VDAC1: variants seen among roughly 807,000 people sequenced by gnomAD.
The protein encoded by VDAC1 is voltage dependent anion channel 1.
A neutral mutation model predicts 34.7 loss-of-function variants in VDAC1; 10 were observed. The observed-to-expected ratio is 0.29, with a 90% CI of 0.18 to 0.49. VDAC1 has a LOEUF of 0.49. Ranked by LOEUF, VDAC1 falls within the 20% of genes least tolerant of loss-of-function variation. The pLI, the probability that VDAC1 is intolerant of heterozygous loss-of-function variation, is 0.99. For missense variants in VDAC1, 230 were observed against 347.9 expected, an observed-to-expected ratio of 0.66 and a Z score of 2.69; for synonymous variants, 130 against 136.0, an observed-to-expected ratio of 0.96 and a Z score of 0.30.
At chr5:133,999,359 G>C (rs1324803943) in intron 1 of VDAC1, among the ~76,000 whole-genome samples, 3 of 152,154 alleles carry the variant, frequency 2.0e-5, no homozygotes, top group Non-Finnish European at 4.4e-5. Context: ...CAGAACAGCA[G>C]AAGTATCTGG....
chr5:133,997,560 A>T (rs560433660), intron 1 of VDAC1, among the ~76,000 whole-genome samples: 2 of 151,664 alleles, frequency 1.3e-5, no homozygotes, highest in African/African-American at 2.4e-5. Flanking sequence ...AATAAAAAAA[A>T]AAAATCACCC....
At chr5:134,010,665 A>C in the VDAC1 span, among the ~76,000 whole-genome samples, 2 of 152,284 alleles carry the variant, frequency 1.3e-5, no homozygotes, top group African/African-American at 4.8e-5. Flanking sequence ...AATGGAAGGC[A>C]ATCTATGTTC....
the VDAC1 span, among the ~76,000 whole-genome samples, chr5:134,077,420 C>T: frequency 0.032 from 4,821 of 152,222 alleles, 80 homozygotes; most frequent in African/African-American, 0.044. Context: ...CAAACTCTTA[C>T]TGAGCACCTA....
chr5:134,089,310 G>T, the VDAC1 span, among the ~76,000 whole-genome samples: 1 of 152,370 alleles, frequency 6.6e-6, no homozygotes, highest in Non-Finnish European at 1.5e-5. Flanking sequence ...TCCGAAACCA[G>T]CTGGGCACTG....
the VDAC1 span, among the ~76,000 whole-genome samples, chr5:134,053,205 T>G: frequency 7.2e-5 from 11 of 152,134 alleles, no homozygotes; most frequent in Admixed American, 1.3e-4. Flanking sequence ...TCAGACTGAC[T>G]CCAAATCCAG....
At chr5:134,026,997 G>A in the VDAC1 span, among the ~76,000 whole-genome samples, 1 of 152,182 alleles carries the variant, frequency 6.6e-6, no homozygotes, top group Non-Finnish European at 1.5e-5. Context: ...TGGACTCCCA[G>A]GGGCATTTGA....
At chr5:134,038,907 C>T in the VDAC1 span, among the ~76,000 whole-genome samples, 1 of 103,726 alleles carries the variant, frequency 9.6e-6, no homozygotes, top group Admixed American at 9.5e-5. Context: ...CATTTTGTGT[C>T]TATCATTGAG....
At chr5:134,050,959 G>A in the VDAC1 span, among the ~76,000 whole-genome samples, 1 of 152,192 alleles carries the variant, frequency 6.6e-6, no homozygotes, top group Non-Finnish European at 1.5e-5. Context: ...GGTTCTTGAG[G>A]GCATGTGTGA....
At chr5:134,007,015 G>A (rs531274426), upstream of VDAC1, among the ~76,000 whole-genome samples, 3 of 151,750 alleles carry the variant, frequency 2.0e-5, no homozygotes, top group East Asian at 2.0e-4. Flanking sequence ...AGGCTGAGGC[G>A]GCTGGATCAC....
At chr5:134,007,739 G>A (rs1454520764), upstream of VDAC1, among the ~76,000 whole-genome samples, 2 of 152,186 alleles carry the variant, frequency 1.3e-5, no homozygotes, top group African/African-American at 4.8e-5. Flanking sequence ...TCGGTGTTGC[G>A]AAGTTAACGA....
At chr5:134,044,313 A>G in the VDAC1 span, among the ~76,000 whole-genome samples, 2 of 152,138 alleles carry the variant, frequency 1.3e-5, no homozygotes, top group African/African-American at 4.8e-5. Flanking sequence ...AGCTCCCATC[A>G]TATGCAGGTG....
At chr5:134,035,386 T>G in the VDAC1 span, among the ~76,000 whole-genome samples, 1 of 152,106 alleles carries the variant, frequency 6.6e-6, no homozygotes, top group Non-Finnish European at 1.5e-5. Context: ...GGACTACACG[T>G]GTGCACAACA....
the VDAC1 span, among the ~76,000 whole-genome samples, chr5:134,010,425 C>T: frequency 6.6e-6 from 1 of 152,036 alleles, no homozygotes; most frequent in African/African-American, 2.4e-5. Flanking sequence ...TGATGAAACC[C>T]TGCCTCTACT....
intron 1 of VDAC1, among the ~76,000 whole-genome samples, chr5:133,997,835 G>A (rs1173915008): frequency 6.6e-6 from 1 of 151,940 alleles, no homozygotes; most frequent in East Asian, 1.9e-4. Flanking sequence ...AGGCCGAGGT[G>A]GGCGGGTCAC....
chr5:133,986,145 CCTGA>C (rs1401378008), intron 5 of VDAC1, among the ~76,000 whole-genome samples: 1 of 152,186 alleles, frequency 6.6e-6, no homozygotes, highest in African/African-American at 2.4e-5. Flanking sequence ...CCGAGAGAGG[CCTGA>C]CTGATTTGTG....
At chr5:134,005,740 C>T (rs1243537438), upstream of VDAC1, among the ~76,000 whole-genome samples, 2 of 152,188 alleles carry the variant, frequency 1.3e-5, no homozygotes, top group East Asian at 3.9e-4. Flanking sequence ...CGAGTGGTCT[C>T]GTTCACCACT....
chr5:134,015,223 GGA>G, the VDAC1 span, among the ~76,000 whole-genome samples: 4 of 151,250 alleles, frequency 2.6e-5, no homozygotes, highest in East Asian at 7.9e-4. Context: ...GGGGAGGGAG[GGA>G]GAGAGGGGGG....
At chr5:134,066,687 A>G in the VDAC1 span, among the ~76,000 whole-genome samples, 1 of 152,322 alleles carries the variant, frequency 6.6e-6, no homozygotes, top group African/African-American at 2.4e-5. Context: ...TGTCATCTTC[A>G]ATACACAGCT....
the VDAC1 span, among the ~76,000 whole-genome samples, chr5:134,060,633 G>A: frequency 6.6e-6 from 1 of 151,714 alleles, no homozygotes; most frequent in Admixed American, 6.6e-5. Context: ...GAGCTTGCTT[G>A]TAGGCTGGAA....
Sources: gnomAD v4.1 joint callset for allele counts (sites outside exome capture counted in the v4.1 genomes callset) on GRCh38, gnomAD v4.1.1 for gene constraint, MANE v1.5 for transcripts, NCBI Gene and HGNC (gene_info 2026-07-23, HGNC 2026-07-21) for gene names.